Variants in PPM1E observed in about 807,000 individuals in gnomAD.
PPM1E encodes protein phosphatase, Mg2+/Mn2+ dependent 1E.
A neutral mutation model predicts 65.9 loss-of-function variants in PPM1E; 20 were observed. That is an observed-to-expected ratio of 0.30 (90% CI 0.21 to 0.44). PPM1E has a LOEUF of 0.44. Among genes scored for constraint, PPM1E ranks in the 20% least tolerant of loss-of-function variants. PPM1E has a pLI of 1.00. For missense variants in PPM1E, 713 were observed against 953.1 expected, an observed-to-expected ratio of 0.75 and a Z score of 3.32; for synonymous variants, 352 against 374.9, an observed-to-expected ratio of 0.94 and a Z score of 0.70.
Position 58,907,899 on chromosome 17 carries a change from A to G in PPM1E, c.465-47750A>G, listed in dbSNP as rs139357633. Among the ~76,000 whole-genome samples the G allele has an allele frequency of 1.5e-3, 223 of 152,166 alleles. 8 individuals carry two copies. The East Asian group carries it at 0.034, about 23-fold the overall frequency. Reference sequence around the variant, plus strand: ...TATATTTAAAGTGGATTTCTTGTAGACAACATATAGTTGGGTCTTGTTTTT... The same window carrying G: ...TATATTTAAAGTGGATTTCTTGTAGGCAACATATAGTTGGGTCTTGTTTTT... On this transcript the variant is annotated intron_variant, in intron 1 of 6. Coordinates refer to ENST00000308249, the MANE Select transcript of PPM1E (RefSeq NM_014906.5).
chr17:58,848,633 A>T (rs1411804577), intron 1 of PPM1E, among the ~76,000 whole-genome samples: 2 of 152,188 alleles, frequency 1.3e-5, no homozygotes, highest in Non-Finnish European at 1.5e-5. Context: ...CAACTTAATC[A>T]TGGTGGATAA....
intron 1 of PPM1E, among the ~76,000 whole-genome samples, chr17:58,906,974 C>T (rs566748712): frequency 3.0e-4 from 45 of 152,254 alleles, no homozygotes; most frequent in African/African-American, 9.9e-4. Flanking sequence ...CAGGGGCTTA[C>T]GCCTGTAATC....
chr17:58,930,250 TACAC>T lies in PPM1E; in HGVS notation c.465-25367_465-25364del, dbSNP rs377147999. ...ACCTCTACAATAAATTAAATGTATATACACACACACACACACACACACACACACA... is the reference window on the plus strand; with the variant it reads ...ACCTCTACAATAAATTAAATGTATATACACACACACACACACACACACACA... On this transcript the variant is annotated intron_variant, in intron 1 of 6. Coordinates refer to ENST00000308249, the MANE Select transcript of PPM1E (RefSeq NM_014906.5). Among the ~76,000 whole-genome samples, 416 of 143,268 alleles carry T rather than the reference TACAC, an allele frequency of 2.9e-3. 5 individuals carry two copies. The highest frequency in any genetic ancestry group is 0.028 in the South Asian group (124 of 4,430). The allele number at this position is 143,268 out of a possible 152,430, so 94.0% of individuals were successfully genotyped here. A position where few individuals can be genotyped will look rare whatever the true frequency, so the allele number is the denominator to read the frequency against.
chr17:58,848,257 C>T (rs982591189), intron 1 of PPM1E, among the ~76,000 whole-genome samples: 22 of 152,174 alleles, frequency 1.4e-4, no homozygotes, highest in East Asian at 7.7e-4. Context: ...TAATTGAATA[C>T]GCTTTATTTC....
intron 6 of PPM1E, among the ~76,000 whole-genome samples, chr17:58,979,375 C>T (rs1380865239): frequency 6.6e-6 from 1 of 152,176 alleles, no homozygotes; most frequent in Admixed American, 6.5e-5. Flanking sequence ...GGCCTTGGGT[C>T]AGCCACATAA....
rs1400679548 is a variant in PPM1E, at chr17:58,805,988, AAC to A, written c.464+49529_464+49530del. 3.9e-3 allele frequency among the ~76,000 whole-genome samples: 430 copies of A among 109,866 alleles called. 10 individuals carry two copies. Among genetic ancestry groups the A allele is most frequent in the Middle Eastern group, 8.1e-3 (2 of 246 alleles). The allele number at this position is 109,866 out of a possible 152,430, so 72.1% of individuals were successfully genotyped here. On this transcript the variant is annotated intron_variant, in intron 1 of 6. Transcript: ENST00000308249. Reference sequence around the variant, plus strand: ...AAAAAAAAAAACAAAAAAAAAACAAAACAAAACAAAACAAAAAAAAAACTATA... The same window carrying A: ...AAAAAAAAAAACAAAAAAAAAACAAAAAAACAAAACAAAAAAAAAACTATA...
At chr17:58,901,449 A>C (rs1410836524) in intron 1 of PPM1E, among the ~76,000 whole-genome samples, 1 of 151,800 alleles carries the variant, frequency 6.6e-6, no homozygotes, top group Non-Finnish European at 1.5e-5. Context: ...CGAGGCAGGC[A>C]GATCACCTGA....
At position 58,982,297 on chromosome 17, in the gene PPM1E, A is replaced by G. The variant is rs899795532; in HGVS notation, c.*1266A>G. ...CTATTTCTGCAGTTTCAAGTTAGTT[A>G]GAAGCATGTTGTCAACTAAAGACAA... On this transcript the variant is annotated 3_prime_UTR_variant, in exon 7 of 7. Coordinates refer to ENST00000308249, the MANE Select transcript of PPM1E (RefSeq NM_014906.5). 3 of 152,394 alleles carry G rather than the reference A, an allele frequency of 2.0e-5. No homozygotes were observed. The highest frequency in any genetic ancestry group is 4.4e-5 in the Non-Finnish European group (3 of 68,052). The allele number at this position is 152,394 out of a possible 1,614,324, so 9.4% of individuals were successfully genotyped here. A position where few individuals can be genotyped will look rare whatever the true frequency, so the allele number is the denominator to read the frequency against.
At chr17:58,927,122 C>CTTTTTTT (rs533990179) in intron 1 of PPM1E, among the ~76,000 whole-genome samples, 1 of 124,630 alleles carries the variant, frequency 8.0e-6, no homozygotes, top group Non-Finnish European at 1.7e-5. Flanking sequence ...GACTTTTAAA[C>CTTTTTTT]TTTTTTTTTT....
At chr17:58,909,657 A>G (rs2051599840) in intron 1 of PPM1E, among the ~76,000 whole-genome samples, 3 of 152,164 alleles carry the variant, frequency 2.0e-5, no homozygotes, top group Admixed American at 1.3e-4. Flanking sequence ...TTTCTGAGGA[A>G]AAGATAGATA....
At chr17:58,912,741 A>G (rs183019564) in intron 1 of PPM1E, among the ~76,000 whole-genome samples, 3 of 152,258 alleles carry the variant, frequency 2.0e-5, no homozygotes, top group African/African-American at 7.2e-5. Context: ...AGGAGAATGG[A>G]CCATGTGATT....
intron 1 of PPM1E, among the ~76,000 whole-genome samples, chr17:58,812,303 CAAAAAAAAAA>C (rs35132799): frequency 2.4e-4 from 12 of 49,784 alleles, no homozygotes; most frequent in South Asian, 2.1e-3. Flanking sequence ...GACTCTGTTT[CAAAAAAAAAA>C]AAAAAAAAAA....
chr17:58,774,754 A>G (rs1423651423), intron 1 of PPM1E, among the ~76,000 whole-genome samples: 3 of 152,058 alleles, frequency 2.0e-5, no homozygotes, highest in Admixed American at 2.0e-4. Context: ...AAAATGTGAA[A>G]TTGTTGTTAG....
chr17:58,810,624 C>T (rs1367376653), intron 1 of PPM1E, among the ~76,000 whole-genome samples: 1 of 152,198 alleles, frequency 6.6e-6, no homozygotes, highest in Non-Finnish European at 1.5e-5. Context: ...CCTGCTGCCC[C>T]AGCCTTTCAC....
chr17:58,904,446 A>G (rs1012156126), intron 1 of PPM1E, among the ~76,000 whole-genome samples: 5 of 152,182 alleles, frequency 3.3e-5, no homozygotes, highest in Non-Finnish European at 5.9e-5. Flanking sequence ...TTGTCTTTCT[A>G]CCTACTTGAT....
At chr17:58,877,314 A>G (rs564892300) in intron 1 of PPM1E, among the ~76,000 whole-genome samples, 1 of 152,324 alleles carries the variant, frequency 6.6e-6, no homozygotes, top group South Asian at 2.1e-4. Flanking sequence ...GCAAAAAGGA[A>G]AATAAGATAT....
intron 1 of PPM1E, among the ~76,000 whole-genome samples, chr17:58,876,096 C>G (rs2051123800): frequency 6.6e-6 from 1 of 152,046 alleles, no homozygotes; most frequent in Non-Finnish European, 1.5e-5. Flanking sequence ...ATAATTTTTT[C>G]TTTGCATCTA....
chr17:58,868,760 T>C (rs949991417), intron 1 of PPM1E, among the ~76,000 whole-genome samples: 7 of 152,148 alleles, frequency 4.6e-5, no homozygotes, highest in Admixed American at 6.5e-5. Context: ...CTAGGTCCCA[T>C]AGGGTATGGG....
chr17:58,775,466 T>A (rs1407637525), intron 1 of PPM1E, among the ~76,000 whole-genome samples: 3 of 152,198 alleles, frequency 2.0e-5, no homozygotes, highest in Non-Finnish European at 2.9e-5. Flanking sequence ...GATTTTGTCA[T>A]AATCATTATC....
Sources: allele counts gnomAD v4.1 joint callset (sites outside exome capture counted in the v4.1 genomes callset), GRCh38; gene constraint gnomAD v4.1.1; transcripts MANE v1.5; gene names NCBI Gene and HGNC (gene_info 2026-07-23, HGNC 2026-07-21).